BRWD3: variants seen among roughly 807,000 people sequenced by gnomAD.
The protein encoded by BRWD3 is bromodomain and WD repeat-containing protein 3.
In BRWD3, 10 loss-of-function variants were observed where a neutral mutation model predicts 149.7. The observed-to-expected ratio is 0.07, with a 90% confidence interval of 0.04 to 0.11. The LOEUF (loss-of-function observed/expected upper bound fraction) is 0.11. BRWD3 is among the 10% of genes least tolerant of loss of function. BRWD3 has a pLI of 1.00. For synonymous variants in BRWD3, 504 were observed against 456.7 expected (o/e 1.10, Z -1.32); for missense variants, 940 against 1,373.2 (o/e 0.68, Z 4.99).
chrX:80,712,262 C>T (rs1299199859), intron 20 of BRWD3, among the ~76,000 whole-genome samples: 1 of 111,354 alleles, frequency 9.0e-6, no homozygotes, highest in Non-Finnish European at 1.9e-5. Context: ...GATTCTCCTG[C>T]CTCAGCCTGC....
chrX:80,690,572 T>C (rs778254001), intron 31 of BRWD3, among the ~76,000 whole-genome samples: 1 of 111,672 alleles, frequency 9.0e-6, no homozygotes, highest in Non-Finnish European at 1.9e-5. Context: ...AGTAGGAGAC[T>C]TGGATGACAG....
chrX:80,748,177 T>C (rs938414572), intron 6 of BRWD3, among the ~76,000 whole-genome samples: 1 of 111,009 alleles, frequency 9.0e-6, no homozygotes, highest in Non-Finnish European at 1.9e-5. Flanking sequence ...TATGTTGAGA[T>C]TTTATCATGA....
rs2072311582 is a variant in BRWD3, at chrX:80,670,118, A to G, written c.*6491T>C. On this transcript the variant is annotated 3_prime_UTR_variant, in exon 41 of 41. Coordinates refer to ENST00000373275, the MANE Select transcript of BRWD3 (RefSeq NM_153252.5). ...GCAAAGAAAAATCTATTAAAGTTAC[A>G]TAGAAAGGAAAGGAAAATGTTTCCC... 9.0e-6 allele frequency among the ~76,000 whole-genome samples: 1 copy of G among 111,573 alleles called. No homozygotes were observed.
intron 2 of BRWD3, 87 bp from the exon 3 acceptor site, chrX:80,809,129 G>A: frequency 8.7e-7 from 1 of 1,146,029 alleles, no homozygotes; most frequent in Non-Finnish European, 1.2e-6. Flanking sequence ...GCCGCTGACC[G>A]TTTGACTAGT....
intron 23 of BRWD3, among the ~76,000 whole-genome samples, chrX:80,703,942 CAA>C (rs1298595727): frequency 4.5e-5 from 5 of 111,917 alleles, no homozygotes; most frequent in Admixed American, 1.9e-4. Flanking sequence ...TCTACTAAAG[CAA>C]AAGACTATAG....
chrX:80,801,953 TA>T (rs777351957), intron 4 of BRWD3, among the ~76,000 whole-genome samples: 163 of 107,478 alleles, frequency 1.5e-3, no homozygotes, highest in African/African-American at 5.2e-3. Flanking sequence ...CCCATTTGTT[TA>T]AAAAAAAAAG....
chrX:80,788,121 T>G (rs867566246), intron 6 of BRWD3, among the ~76,000 whole-genome samples: 1 of 46,729 alleles, frequency 2.1e-5, no homozygotes, highest in Non-Finnish European at 5.5e-5. Context: ...AATAAATAAA[T>G]AAATAAATAA....
intron 4 of BRWD3, among the ~76,000 whole-genome samples, chrX:80,796,168 T>C (rs767480047): frequency 3.7e-5 from 4 of 108,600 alleles, no homozygotes; most frequent in Non-Finnish European, 7.6e-5. Context: ...TCTCGCTCTG[T>C]CACCCAGACT....
chrX:80,793,160 CA>C (rs201065966), intron 5 of BRWD3, among the ~76,000 whole-genome samples: 32 of 44,448 alleles, frequency 7.2e-4, no homozygotes, highest in Admixed American at 2.1e-3. Context: ...GACTCTGTCT[CA>C]AAAAAAAAAA....
intron 20 of BRWD3, chrX:80,710,303 G>A: frequency 2.9e-6 from 1 of 339,280 alleles, no homozygotes; most frequent in Non-Finnish European, 5.5e-6. Flanking sequence ...ACCATATGGT[G>A]TTAGGCTACT....
intron 17 of BRWD3, among the ~76,000 whole-genome samples, chrX:80,721,791 C>T (rs1167910819): frequency 8.9e-6 from 1 of 111,799 alleles, no homozygotes; most frequent in Non-Finnish European, 1.9e-5. Flanking sequence ...CCCAATAACT[C>T]TTTGCATTTC....
At chrX:80,715,332 T>C (rs1602343767) in intron 20 of BRWD3, among the ~76,000 whole-genome samples, 1 of 111,829 alleles carries the variant, frequency 8.9e-6, no homozygotes, top group East Asian at 2.8e-4. Flanking sequence ...CAGATATCCA[T>C]TTGATATTTA....
In BRWD3 at chrX:80,677,359, G is replaced by A. The variant is rs1476208148; in HGVS notation, c.4659C>T (p.His1553=). Residue 1553 remains histidine (H), a synonymous_variant, in exon 41 of 41, where the codon CAC becomes CAT. Transcript: ENST00000373275. ...CATTTGTAAGGGGTCCATCAAGGGAGTGATCTAAATTAAAATGAATGATTT... is the reference window on the plus strand; with the variant it reads ...CATTTGTAAGGGGTCCATCAAGGGAATGATCTAAATTAAAATGAATGATTT... The part of the protein sequence containing the change: ...RNRVLPVKQD[H]SLDGPLTNGD... 8.3e-7 allele frequency: 1 copy of A among 1,197,906 alleles called. No individual in the cohort carries two copies. Among genetic ancestry groups the A allele is most frequent in the East Asian group, 3.0e-5 (1 of 33,769 alleles).
rs1186140356 is a variant in BRWD3, at chrX:80,672,445, TGAAG to T, written c.*4160_*4163del. The stretch of plus-strand genomic sequence containing the variant: ...GAGGGGGGAGGGAGGAATGAAGGAA[TGAAG>T]GAAGAAGGAAGGAGAAAAGAAAAAA... On this transcript the variant is annotated 3_prime_UTR_variant, in exon 41 of 41. Transcript: ENST00000373275. 1 of 85,821 alleles carries T rather than the reference TGAAG, an allele frequency of 1.2e-5. No individual in the cohort carries two copies. The highest frequency in any genetic ancestry group is 2.3e-5 in the Non-Finnish European group (1 of 43,417). 7.1% of individuals were successfully genotyped at this position (85,821 alleles called of 1,213,427 possible).
Position 80,730,011 on chromosome X carries a change from A to G in BRWD3, c.1137T>C (p.Phe379=), listed in dbSNP as rs745572809. The G allele has an allele frequency of 1.0e-5, 12 of 1,182,188 alleles. No homozygotes were observed. Among genetic ancestry groups the G allele is most frequent in the Non-Finnish European group, 1.2e-5 (10 of 869,065 alleles). ...CCGTTCCATCTCGACTTCCACTAAC[A>G]AATCTTAAACTAGAAAGAGTTAAAA... The part of the protein sequence containing the change: ...QFCNNGDSLR[F]VSGSRDGTAR... Residue 379 remains phenylalanine, a synonymous_variant, in exon 13 of 41, where the codon TTT becomes TTC. Transcript: ENST00000373275.
chrX:80,755,393 T>C (rs1196634106), intron 6 of BRWD3, among the ~76,000 whole-genome samples: 1 of 111,894 alleles, frequency 8.9e-6, no homozygotes, highest in Non-Finnish European at 1.9e-5. Flanking sequence ...ACAGAAAAGA[T>C]ACAACTATTT....
chrX:80,677,665 G>A (rs1486655286), intron 40 of BRWD3, among the ~76,000 whole-genome samples: 2 of 111,295 alleles, frequency 1.8e-5, no homozygotes, highest in African/African-American at 3.3e-5. Flanking sequence ...TCATTCATTC[G>A]GTTGATAAAT....
chrX:80,745,141 AT>A (rs928747473), intron 7 of BRWD3, among the ~76,000 whole-genome samples: 10 of 111,553 alleles, frequency 9.0e-5, no homozygotes, highest in Non-Finnish European at 1.9e-4. Flanking sequence ...GATATAAAAA[AT>A]AGCTATAATC....
chrX:80,725,347 A>T (rs1278732557), intron 14 of BRWD3, among the ~76,000 whole-genome samples: 2 of 111,888 alleles, frequency 1.8e-5, no homozygotes, highest in Non-Finnish European at 3.8e-5. Flanking sequence ...TCTGAAGTGG[A>T]ATTTAGGACT....
Sources: gnomAD v4.1 joint callset for allele counts (sites outside exome capture counted in the v4.1 genomes callset) on GRCh38, gnomAD v4.1.1 for gene constraint, MANE v1.5 for transcripts, NCBI Gene and HGNC (gene_info 2026-07-23, HGNC 2026-07-21) for gene names.